Variants in PAQR8 observed in about 807,000 individuals in gnomAD.
The protein encoded by PAQR8 is progestin and adipoQ receptor family member 8.
A neutral mutation model predicts 25.2 loss-of-function variants in PAQR8; 17 were observed. That is an observed-to-expected ratio of 0.67 (90% CI 0.46 to 1.01). The LOEUF (loss-of-function observed/expected upper bound fraction) is 1.01, where lower values mean the gene tolerates loss of function less well. Among genes scored for constraint, PAQR8 ranks in the 50% least tolerant of loss-of-function variants. PAQR8 has a pLI of 0.00. For synonymous variants in PAQR8, 204 were observed against 190.6 expected (o/e 1.07, Z -0.58); for missense variants, 392 against 448.4 (o/e 0.87, Z 1.14).
At chr6:52,385,102 C>T (rs868740164) in intron 1 of PAQR8, among the ~76,000 whole-genome samples, 5 of 152,126 alleles carry the variant, frequency 3.3e-5, no homozygotes, top group African/African-American at 1.2e-4. Flanking sequence ...ATAATGCCTA[C>T]GTGTTGTGGG....
In PAQR8 at chr6:52,406,978, T is replaced by C. The variant is rs1186228125; in HGVS notation, c.*2700T>C. 5.8e-6 allele frequency: 1 copy of C among 171,686 alleles called. No individual in the cohort carries two copies. Among genetic ancestry groups the C allele is most frequent in the Middle Eastern group, 2.9e-3 (1 of 342 alleles). 10.6% of individuals were successfully genotyped at this position (171,686 alleles called of 1,614,324 possible). ...ATAAACTAGGAAATGCAGATGTTTT[T>C]AACTACTCAGACTTTTGAGGAATTA... is the stretch of plus-strand genomic sequence containing the variant. On this transcript the variant is annotated 3_prime_UTR_variant, in exon 2 of 2. Transcript: ENST00000442253.
chr6:52,374,119 G>A (rs887570793), intron 1 of PAQR8, among the ~76,000 whole-genome samples: 4 of 152,114 alleles, frequency 2.6e-5, no homozygotes, highest in Non-Finnish European at 2.9e-5. Flanking sequence ...CCTTCCTGAG[G>A]CCTCCCCAGA....
intron 1 of PAQR8, among the ~76,000 whole-genome samples, chr6:52,372,603 C>A (rs1465249829): frequency 1.3e-5 from 2 of 151,948 alleles, no homozygotes; most frequent in Non-Finnish European, 2.9e-5. Context: ...TTCTCTCTCT[C>A]TTTCTTTCTC....
At chr6:52,395,265 T>A (rs1370680845) in intron 1 of PAQR8, among the ~76,000 whole-genome samples, 1 of 126,222 alleles carries the variant, frequency 7.9e-6, no homozygotes, top group Non-Finnish European at 1.6e-5. Flanking sequence ...ACAGCGAGAC[T>A]TCGTCTCAAA....
At chr6:52,364,972 A>G (rs978251159) in intron 1 of PAQR8, among the ~76,000 whole-genome samples, 2 of 152,202 alleles carry the variant, frequency 1.3e-5, no homozygotes, top group African/African-American at 4.8e-5. Flanking sequence ...GTATGTATGT[A>G]AAGTAATTGG....
At position 52,403,559 on chromosome 6, in the gene PAQR8, A is replaced by C. The variant is rs762627448; in HGVS notation, c.346A>C (p.Ile116Leu). 143 of 1,613,972 alleles carry C rather than the reference A, an allele frequency of 8.9e-5. No homozygotes were observed. Among genetic ancestry groups the C allele is most frequent in the Middle Eastern group, 6.6e-4 (4 of 6,062 alleles). Residue 116 changes from isoleucine to leucine, a missense_variant, in exon 2 of 2, where the codon ATC becomes CTC. Coordinates refer to ENST00000442253, the MANE Select transcript of PAQR8 (RefSeq NM_133367.5). ...STHSLPLLLF[I>L]LSSITYLTCS... ...CCACTCCCTGCCTCTGCTCCTCTTC[A>C]TCCTGTCGTCAATCACTTACCTCAC...
At chr6:52,387,313 C>T (rs1763644585) in intron 1 of PAQR8, among the ~76,000 whole-genome samples, 1 of 152,200 alleles carries the variant, frequency 6.6e-6, no homozygotes, top group Non-Finnish European at 1.5e-5. Context: ...ACTTCCTTTT[C>T]ATTCACAGCT....
chr6:52,364,779 G>C (rs1209148604), intron 1 of PAQR8, among the ~76,000 whole-genome samples: 1 of 152,192 alleles, frequency 6.6e-6, no homozygotes, highest in East Asian at 1.9e-4. Context: ...AGTTCTAAAA[G>C]GGGCATTTAG....
chr6:52,401,336 A>T (rs1763826734), intron 1 of PAQR8, among the ~76,000 whole-genome samples: 2 of 152,242 alleles, frequency 1.3e-5, no homozygotes, highest in Admixed American at 1.3e-4. Flanking sequence ...ATCAGATATT[A>T]AATTTTTCTG....
At position 52,378,592 on chromosome 6, in the gene PAQR8, A is replaced by G. The variant is rs57655578; in HGVS notation, c.-53+16343A>G. ...CGGATCACGAGGTCAGGAGTTCAAG[A>G]CCAGCCTGACCAACATGATGAAACC... On this transcript the variant is annotated intron_variant, in intron 1 of 1. Transcript: ENST00000442253. Among the ~76,000 whole-genome samples the G allele has an allele frequency of 3.3e-3, 508 of 152,126 alleles. 2 individuals carry two copies. Among genetic ancestry groups the G allele is most frequent in the African/African-American group, 0.012 (497 of 41,482 alleles).
intron 1 of PAQR8, among the ~76,000 whole-genome samples, chr6:52,381,245 G>A (rs1289561474): frequency 1.3e-5 from 2 of 152,232 alleles, no homozygotes; most frequent in Non-Finnish European, 1.5e-5. Context: ...ACTAGGTGGG[G>A]GAAGAGGAAA....
chr6:52,376,014 T>A (rs1763481110), intron 1 of PAQR8, among the ~76,000 whole-genome samples: 1 of 152,240 alleles, frequency 6.6e-6, no homozygotes, highest in East Asian at 1.9e-4. Flanking sequence ...GTTCCTACTC[T>A]GGTATAGCAG....
At chr6:52,367,004 A>G (rs940212795) in intron 1 of PAQR8, among the ~76,000 whole-genome samples, 12 of 152,122 alleles carry the variant, frequency 7.9e-5, no homozygotes, top group Admixed American at 1.3e-4. Flanking sequence ...TTGGCCTCCC[A>G]AAGTGCTGGG....
In PAQR8 at chr6:52,377,166, T is replaced by C. The variant is rs192405045; in HGVS notation, c.-53+14917T>C. 1.6e-3 allele frequency among the ~76,000 whole-genome samples: 249 copies of C among 152,322 alleles called. 1 individual carries two copies. The highest frequency in any genetic ancestry group is 5.8e-3 in the African/African-American group (241 of 41,572). Reference sequence around the variant, plus strand: ...TTATATAATATTGGCTGTTAGACACTGAATAAGCTTAAAATGGAAAAGTGA... The same window carrying C: ...TTATATAATATTGGCTGTTAGACACCGAATAAGCTTAAAATGGAAAAGTGA... On this transcript the variant is annotated intron_variant, in intron 1 of 1. Coordinates refer to ENST00000442253, the MANE Select transcript of PAQR8 (RefSeq NM_133367.5).
rs972750451 is a variant in PAQR8, at chr6:52,405,068, T to G, written c.*790T>G. 1 of 167,160 alleles carries G rather than the reference T, an allele frequency of 6.0e-6. No individual in the cohort carries two copies. The highest frequency in any genetic ancestry group is 2.4e-5 in the African/African-American group (1 of 41,460). 10.4% of individuals were successfully genotyped at this position (167,160 alleles called of 1,614,324 possible). A position where few individuals can be genotyped will look rare whatever the true frequency, so the allele number is the denominator to read the frequency against. The stretch of plus-strand genomic sequence containing the variant: ...CACCAGGAGGCCCAGCCAATAAGCA[T>G]AGATACTATATGGTATCATGGGACC... On this transcript the variant is annotated 3_prime_UTR_variant, in exon 2 of 2. Transcript: ENST00000442253.
chr6:52,399,561 C>G (rs1214518492), intron 1 of PAQR8, among the ~76,000 whole-genome samples: 1 of 152,152 alleles, frequency 6.6e-6, no homozygotes, highest in Non-Finnish European at 1.5e-5. Context: ...ACTCTGGATG[C>G]AGGAATCGTC....
rs762640831 is a variant in PAQR8, at chr6:52,407,482, G to A, written c.*3204G>A. 1 of 167,028 alleles carries A rather than the reference G, an allele frequency of 6.0e-6. No homozygotes were observed. Among genetic ancestry groups the A allele is most frequent in the Non-Finnish European group, 1.5e-5 (1 of 68,116 alleles). The allele number at this position is 167,028 out of a possible 1,614,324, so 10.3% of individuals were successfully genotyped here. On this transcript the variant is annotated 3_prime_UTR_variant, in exon 2 of 2. Coordinates refer to ENST00000442253, the MANE Select transcript of PAQR8 (RefSeq NM_133367.5). ...AATTTAAGTCCATAGAATGAAGGTA[G>A]TTATTCCTGCCTGTGTTGCCCACCT...
In PAQR8 at chr6:52,403,575, C is replaced by G. The variant is rs1358866298; in HGVS notation, c.362C>G (p.Thr121Ser). Residue 121 changes from threonine (T) to serine (S), a missense_variant, in exon 2 of 2, where the codon ACT (threonine) becomes AGT (serine). Transcript: ENST00000442253. ...CTCCTCTTCATCCTGTCGTCAATCA[C>G]TTACCTCACCTGCAGCCTTCTGGCC... ...PLLLFILSSI[T>S]YLTCSLLAHL... 1 of 1,614,024 alleles carries G rather than the reference C, an allele frequency of 6.2e-7. No individual in the cohort carries two copies. Among genetic ancestry groups the G allele is most frequent in the African/African-American group, 1.3e-5 (1 of 74,946 alleles).
intron 1 of PAQR8, among the ~76,000 whole-genome samples, chr6:52,388,197 G>A (rs767969512): frequency 4.6e-5 from 7 of 152,068 alleles, no homozygotes; most frequent in South Asian, 4.1e-4. Context: ...CCAACATGGC[G>A]AAACCCCATC....
Sources: gnomAD v4.1 joint callset for allele counts (sites outside exome capture counted in the v4.1 genomes callset) on GRCh38, gnomAD v4.1.1 for gene constraint, MANE v1.5 for transcripts, NCBI Gene and HGNC (gene_info 2026-07-23, HGNC 2026-07-21) for gene names.